GALNT13: variants seen among roughly 807,000 people sequenced by gnomAD.
The protein encoded by GALNT13 is polypeptide N-acetylgalactosaminyltransferase 13.
GALNT13 carries 28 observed loss-of-function variants against 64.2 expected under a neutral mutation model. The observed-to-expected ratio is 0.44, with a 90% confidence interval of 0.32 to 0.60. GALNT13 has a LOEUF of 0.60. Among genes scored for constraint, GALNT13 ranks in the 20% least tolerant of loss-of-function variants. The probability of loss-of-function intolerance (pLI) is 0.05; values close to 1 mark genes in which losing one functional copy is unlikely to be tolerated. For synonymous variants in GALNT13, 214 were observed against 224.6 expected (o/e 0.95, Z 0.42); for missense variants, 577 against 669.8 (o/e 0.86, Z 1.53).
intron 3 of GALNT13, among the ~76,000 whole-genome samples, chr2:154,058,220 G>A (rs2105361118): frequency 6.6e-6 from 1 of 152,238 alleles, no homozygotes; most frequent in South Asian, 2.1e-4. Context: ...TTGGCTTTCT[G>A]TAAGTCAGAA....
chr2:153,676,225 A>G, the GALNT13 span, among the ~76,000 whole-genome samples: 8 of 152,168 alleles, frequency 5.3e-5, no homozygotes, highest in African/African-American at 1.9e-4. Flanking sequence ...CTCAGAGATT[A>G]TTATGAACGT....
chr2:154,074,048 T>A (rs1445993153), intron 3 of GALNT13, among the ~76,000 whole-genome samples: 1 of 151,864 alleles, frequency 6.6e-6, no homozygotes, highest in East Asian at 1.9e-4. Context: ...AGGTTTATTG[T>A]TTTTACATTC....
chr2:153,795,995 G>A, the GALNT13 span, among the ~76,000 whole-genome samples: 76 of 152,300 alleles, frequency 5.0e-4, no homozygotes, highest in African/African-American at 1.8e-3. Flanking sequence ...AATTGTGCCA[G>A]AATGCAAGTC....
intron 4 of GALNT13, among the ~76,000 whole-genome samples, chr2:154,225,829 T>C (rs1688590187): frequency 6.6e-6 from 1 of 152,042 alleles, no homozygotes; most frequent in Non-Finnish European, 1.5e-5. Flanking sequence ...ATAATGCCAA[T>C]ACACTGAGTG....
chr2:153,710,569 G>A, the GALNT13 span, among the ~76,000 whole-genome samples: 1 of 151,960 alleles, frequency 6.6e-6, no homozygotes, highest in African/African-American at 2.4e-5. Context: ...CATCCAAACT[G>A]TGTATATTAA....
At chr2:153,246,483 G>A in the GALNT13 span, among the ~76,000 whole-genome samples, 1 of 152,130 alleles carries the variant, frequency 6.6e-6, no homozygotes, top group African/African-American at 2.4e-5. Flanking sequence ...AAGAGAGTGG[G>A]GGCTAATATT....
chr2:153,543,616 T>A, the GALNT13 span, among the ~76,000 whole-genome samples: 1 of 152,166 alleles, frequency 6.6e-6, no homozygotes, highest in Non-Finnish European at 1.5e-5. Context: ...TGAGCCTTTT[T>A]TTCTTGGTTG....
At chr2:153,209,283 T>C in the GALNT13 span, among the ~76,000 whole-genome samples, 1 of 151,972 alleles carries the variant, frequency 6.6e-6, no homozygotes, top group Non-Finnish European at 1.5e-5. Flanking sequence ...CCTGGCTGGG[T>C]TTTGTCTTTT....
chr2:153,112,831 A>T, the GALNT13 span, among the ~76,000 whole-genome samples: 2 of 152,070 alleles, frequency 1.3e-5, no homozygotes, highest in African/African-American at 4.8e-5. Context: ...CTTCTTTGTT[A>T]TATGTTTGTG....
intron 3 of GALNT13, among the ~76,000 whole-genome samples, chr2:154,022,394 C>T (rs1697577345): frequency 6.6e-6 from 1 of 152,050 alleles, no homozygotes; most frequent in Non-Finnish European, 1.5e-5. Flanking sequence ...TGTTATTGGT[C>T]TATTCAGAGA....
intron 12 of GALNT13, among the ~76,000 whole-genome samples, chr2:154,445,014 G>T (rs190991048): frequency 1.3e-5 from 2 of 151,928 alleles, no homozygotes; most frequent in Admixed American, 1.3e-4. Context: ...ATTAATAATT[G>T]TTATCTTTTC....
At chr2:154,416,905 G>T (rs191493755) in intron 11 of GALNT13, among the ~76,000 whole-genome samples, 1 of 151,960 alleles carries the variant, frequency 6.6e-6, no homozygotes, top group Non-Finnish European at 1.5e-5. Context: ...CCATATCCTG[G>T]GCTTGCAGCC....
chr2:154,390,006 A>G (rs1354251525), intron 9 of GALNT13, among the ~76,000 whole-genome samples: 1 of 152,072 alleles, frequency 6.6e-6, no homozygotes, highest in African/African-American at 2.4e-5. Context: ...TGATTTCCTA[A>G]GAAAGGAACT....
the GALNT13 span, among the ~76,000 whole-genome samples, chr2:153,487,712 C>T: frequency 1.3e-5 from 2 of 152,164 alleles, no homozygotes; most frequent in South Asian, 2.1e-4. Flanking sequence ...GCTAGCCAGG[C>T]GAAGCATGCC....
the GALNT13 span, among the ~76,000 whole-genome samples, chr2:153,666,184 C>G: frequency 1.3e-5 from 2 of 152,096 alleles, no homozygotes; most frequent in African/African-American, 2.4e-5. Flanking sequence ...GCCTATCCAT[C>G]AGAGAGCTTC....
chr2:154,001,428 C>A (rs1695898923), intron 3 of GALNT13, among the ~76,000 whole-genome samples: 1 of 151,580 alleles, frequency 6.6e-6, no homozygotes, highest in Non-Finnish European at 1.5e-5. Context: ...TTTAATGCAT[C>A]TATTATAAGT....
At chr2:154,181,663 A>C (rs1377468828) in intron 4 of GALNT13, among the ~76,000 whole-genome samples, 1 of 152,056 alleles carries the variant, frequency 6.6e-6, no homozygotes, top group Non-Finnish European at 1.5e-5. Context: ...ACTGGATCTC[A>C]TAGGTAAAAA....
chr2:154,261,205 A>G (rs1170247417), intron 8 of GALNT13, among the ~76,000 whole-genome samples: 4 of 152,198 alleles, frequency 2.6e-5, no homozygotes, highest in Non-Finnish European at 5.9e-5. Context: ...CTGTAAGAAT[A>G]ATCAAATCCC....
chr2:153,194,000 A>G, the GALNT13 span, among the ~76,000 whole-genome samples: 25 of 152,314 alleles, frequency 1.6e-4, 1 homozygote, highest in South Asian at 1.9e-3. Context: ...GTGACTAGAC[A>G]CATTTCTTTT....
Sources: allele counts gnomAD v4.1 joint callset (sites outside exome capture counted in the v4.1 genomes callset), GRCh38; gene constraint gnomAD v4.1.1; transcripts MANE v1.5; gene names NCBI Gene and HGNC (gene_info 2026-07-23, HGNC 2026-07-21).